Variants in NEK5 observed in about 807,000 individuals in gnomAD.
NEK5 encodes NIMA related kinase 5.
NEK5 carries 88 observed loss-of-function variants against 109.2 expected under a neutral mutation model. The ratio of observed to expected loss-of-function variants is 0.81; its 90% CI spans 0.68 to 0.96. The LOEUF (loss-of-function observed/expected upper bound fraction) is 0.96. Among genes scored for constraint, NEK5 ranks in the 40% least tolerant of loss-of-function variants. The pLI is 0.00. For synonymous variants in NEK5, 283 were observed against 299.9 expected, an observed-to-expected ratio of 0.94 and a Z score of 0.58; for missense variants, 834 against 920.7, an observed-to-expected ratio of 0.91 and a Z score of 1.22.
intron 12 of NEK5, among the ~76,000 whole-genome samples, chr13:52,094,682 G>A (rs1026890576): frequency 6.6e-6 from 1 of 152,152 alleles, no homozygotes; most frequent in African/African-American, 2.4e-5. Flanking sequence ...AGCTACTCGG[G>A]AGAATGGCAC....
chr13:52,064,738 G>A (rs1048152308), intron 21 of NEK5: 1 of 238,398 alleles, frequency 4.2e-6, no homozygotes, highest in Non-Finnish European at 8.1e-6. Context: ...TGTGTAGAAA[G>A]AAGTAGACAT....
At chr13:52,126,622 A>G (rs1051360871) in intron 3 of NEK5, among the ~76,000 whole-genome samples, 1 of 152,162 alleles carries the variant, frequency 6.6e-6, no homozygotes, top group African/African-American at 2.4e-5. Context: ...TACTAAAAAT[A>G]CAAAAAATTA....
At chr13:52,073,604 C>T (rs1232543905) in intron 19 of NEK5, among the ~76,000 whole-genome samples, 1 of 151,944 alleles carries the variant, frequency 6.6e-6, no homozygotes, top group East Asian at 1.9e-4. Context: ...TGTGAGCCAC[C>T]GTTCCCTGGC....
In NEK5 at chr13:52,065,495, G is replaced by A. The variant is rs568862030; in HGVS notation, c.1964C>T (p.Thr655Met). 72 of 1,613,818 alleles carry A rather than the reference G, an allele frequency of 4.5e-5. No homozygotes were observed. In the South Asian group the frequency reaches 5.8e-4, roughly 13 times the overall value. Reference protein sequence around the residue: ...AVADITSTCPTGPDNGQVIVI... With the variant: ...AVADITSTCPMGPDNGQVIVI... ...AAGCACAGACTCACTGTCAGGCCCC[G>A]TGGGGCAGGTGGAGGTGATGTCGGC... Residue 655 changes from threonine to methionine, a missense_variant, in exon 21 of 24, where the codon ACG becomes ATG. Physicochemically the swap from Thr to Met is moderately conservative, Grantham distance 81. Coordinates refer to ENST00000684899, the MANE Select transcript of NEK5 (RefSeq NM_001365552.1).
rs202234365 is a variant in NEK5 at position 52,102,211 on chromosome 13, C to T, written c.691G>A (p.Glu231Lys). Residue 231 changes from glutamate (E) to lysine (K), a missense_variant, in exon 10 of 24, where the codon GAG becomes AAG. Glu to Lys is a moderately conservative substitution (Grantham distance 56). Around this residue, in one of 2 missense-constraint regions of NEK5, gnomAD observed 777 missense variants for 824.7 expected, o/e 0.94. Transcript: ENST00000684899. ...AGCTGAGATATCAAGGAATGGAGCT[C>T]ACGAGAAAACCCCGGAGATATTGGG... ...FAPISPGFSR[E>K]LHSLISQLFQ... 7 of 1,613,932 alleles carry T rather than the reference C, an allele frequency of 4.3e-6. No homozygotes were observed. In the East Asian group the frequency reaches 1.6e-4, roughly 36 times the overall value.
chr13:52,087,763 C>T (rs1955181916), intron 14 of NEK5, among the ~76,000 whole-genome samples: 1 of 151,726 alleles, frequency 6.6e-6, no homozygotes, highest in East Asian at 1.9e-4. Flanking sequence ...GTAGCTGGGA[C>T]TACAGGCACC....
At chr13:52,057,585 A>T (rs1954571611) in intron 22 of NEK5, among the ~76,000 whole-genome samples, 1 of 152,190 alleles carries the variant, frequency 6.6e-6, no homozygotes, top group South Asian at 2.1e-4. Flanking sequence ...CAGCACATCA[A>T]AAAGCTTATC....
At chr13:52,067,265 G>C (rs1159661756) in intron 20 of NEK5, among the ~76,000 whole-genome samples, 1 of 152,092 alleles carries the variant, frequency 6.6e-6, no homozygotes, top group East Asian at 1.9e-4. Flanking sequence ...CTGTGGTTTT[G>C]ATTGAAATAG....
intron 21 of NEK5, among the ~76,000 whole-genome samples, chr13:52,064,567 C>T (rs1231964865): frequency 6.6e-6 from 1 of 151,912 alleles, no homozygotes; most frequent in African/African-American, 2.4e-5. Flanking sequence ...CCCGGCCGCC[C>T]CTACTGGGAT....
At chr13:52,068,413 T>C (rs1954724958) in intron 20 of NEK5, among the ~76,000 whole-genome samples, 2 of 152,126 alleles carry the variant, frequency 1.3e-5, no homozygotes, top group Admixed American at 6.6e-5. Context: ...GTTTTCTTTC[T>C]ATATGCCGCA....
At chr13:52,080,214 TGG>T (rs553517630) in intron 17 of NEK5, among the ~76,000 whole-genome samples, 4 of 96,268 alleles carry the variant, frequency 4.2e-5, no homozygotes, top group South Asian at 3.9e-4. Context: ...GGGAGGGAGG[TGG>T]GGGGGGGTCA....
At chr13:52,125,530 T>A (rs113083304) in intron 3 of NEK5, among the ~76,000 whole-genome samples, 6,628 of 152,220 alleles carry the variant, frequency 0.044, 141 homozygotes, top group East Asian at 0.062. Flanking sequence ...ACCACTGCAC[T>A]CCAGCCTGGG....
chr13:52,060,198 T>C (rs1266075427), intron 22 of NEK5, among the ~76,000 whole-genome samples: 1 of 152,118 alleles, frequency 6.6e-6, no homozygotes, highest in Non-Finnish European at 1.5e-5. Context: ...GAAACAAAGA[T>C]ACTTAGATGT....
chr13:52,050,296 G>T, intron 22 of NEK5, 75 bp from the exon 23 acceptor site: 1 of 291,682 alleles, frequency 3.4e-6, no homozygotes, highest in Non-Finnish European at 5.1e-6. Context: ...CCAAAAACCT[G>T]ATAGTGAACA....
chr13:52,069,533 G>T (rs566611949), intron 20 of NEK5, among the ~76,000 whole-genome samples: 1 of 152,132 alleles, frequency 6.6e-6, no homozygotes, highest in Non-Finnish European at 1.5e-5. Flanking sequence ...GTCTTATATA[G>T]AATCTGCAAC....
At chr13:52,042,015 A>G (rs1954418779) in intron 23 of NEK5, among the ~76,000 whole-genome samples, 1 of 152,048 alleles carries the variant, frequency 6.6e-6, no homozygotes, top group Admixed American at 6.6e-5. Context: ...GAATTAAAAA[A>G]ATTATAAAAG....
rs1166114502 is a variant in NEK5 at position 52,076,110 on chromosome 13, G to A, written c.1606C>T (p.Gln536Ter). 1.2e-5 allele frequency: 19 copies of A among 1,599,306 alleles called. No homozygotes were observed. The highest frequency in any genetic ancestry group is 1.6e-5 in the Non-Finnish European group (19 of 1,170,688). Residue 536 changes from glutamine to a stop codon, truncating the protein, a stop_gained, in exon 18 of 24, where the codon CAG (glutamine) becomes TAG (stop). Transcript: ENST00000684899. LOFTEE classifies it high-confidence loss of function. ...GGATTTTTACTTTCCTTTGTGTTCT[G>A]AAGCCTCATTTGTTTCAAGTCTTTT... Reference protein sequence around the residue: ...IEKDLKQMRLQNTKESKNPEQ... With the variant: ...IEKDLKQMRL
At chr13:52,075,651 T>TG (rs1954853600) in intron 19 of NEK5, 107 bp downstream of exon 19, 1 of 728,516 alleles carries the variant, frequency 1.4e-6, no homozygotes, top group East Asian at 2.9e-5. Context: ...AAATAAAAGT[T>TG]GAAAAAAATT....
At chr13:52,060,407 T>A (rs764948641) in intron 22 of NEK5, among the ~76,000 whole-genome samples, 68 of 152,174 alleles carry the variant, frequency 4.5e-4, no homozygotes, top group Non-Finnish European at 9.3e-4. Context: ...CAGGCTGGAG[T>A]GCAATGGCGC....
Sources: gnomAD v4.1 joint callset for allele counts (sites outside exome capture counted in the v4.1 genomes callset) on GRCh38, gnomAD v4.1.1 for gene constraint, gnomAD v4.1.1 regional missense constraint, MANE v1.5 for transcripts, NCBI Gene and HGNC (gene_info 2026-07-23, HGNC 2026-07-21) for gene names.